Variants in PARD3B observed in about 807,000 individuals in gnomAD.
PARD3B encodes par-3 family cell polarity regulator beta.
PARD3B carries 103 observed loss-of-function variants against 130.2 expected under a neutral mutation model. That is an observed-to-expected ratio of 0.79 (90% confidence interval 0.67 to 0.93). The LOEUF is 0.93. Among genes scored for constraint, PARD3B ranks in the 40% least tolerant of loss-of-function variants. The pLI is 0.00. For synonymous variants in PARD3B, 583 were observed against 553.2 expected, an observed-to-expected ratio of 1.05 and a Z score of -0.76; for missense variants, 1,609 against 1,499.2, an observed-to-expected ratio of 1.07 and a Z score of -1.21.
At chr2:204,847,162 C>G in intron 2 of PARD3B, among the ~76,000 whole-genome samples, 1 of 140,616 alleles carries the variant, frequency 7.1e-6, no homozygotes, top group African/African-American at 3.0e-5. Flanking sequence ...TTTTCTGTAA[C>G]TTTCTTTCTT....
intron 22 of PARD3B, among the ~76,000 whole-genome samples, chr2:205,561,406 G>A (rs6741018): frequency 0.036 from 5,441 of 152,168 alleles, 335 homozygotes; most frequent in African/African-American, 0.13. Flanking sequence ...AGGTAAACAG[G>A]TGTGTGAGTG....
chr2:204,868,270 G>C (rs2045501741), intron 2 of PARD3B, among the ~76,000 whole-genome samples: 1 of 152,154 alleles, frequency 6.6e-6, no homozygotes, highest in African/African-American at 2.4e-5. Flanking sequence ...GCCAAAGATA[G>C]TGTGCTGTAC....
chr2:205,520,861 T>C (rs536281389), intron 21 of PARD3B, among the ~76,000 whole-genome samples: 3 of 152,196 alleles, frequency 2.0e-5, no homozygotes, highest in East Asian at 3.9e-4. Flanking sequence ...AGAAAGGATA[T>C]TAAGTAATTG....
chr2:205,191,054 C>A (rs1279733092), intron 14 of PARD3B, among the ~76,000 whole-genome samples: 2 of 141,568 alleles, frequency 1.4e-5, no homozygotes, highest in African/African-American at 2.7e-5. Context: ...GAGAATGTAC[C>A]CAGACACCAG....
At chr2:204,952,813 A>C (rs1689886077) in intron 2 of PARD3B, among the ~76,000 whole-genome samples, 1 of 151,964 alleles carries the variant, frequency 6.6e-6, no homozygotes, top group Admixed American at 6.6e-5. Flanking sequence ...CCTGGCTAAC[A>C]TGGTGAAACC....
chr2:205,234,777 C>T lies in PARD3B; in HGVS notation c.2141-11001C>T, dbSNP rs576437938. On this transcript the variant is annotated intron_variant, in intron 15 of 22. Coordinates refer to ENST00000406610, the MANE Select transcript of PARD3B (RefSeq NM_001302769.2). ...ACATAGAACATTTAACAGGACATAC[C>T]GCATTCTGGACTATTAAAAAGTCTT... Among the ~76,000 whole-genome samples the T allele has an allele frequency of 9.2e-4, 140 of 151,832 alleles. 1 individual carries two copies. In the Middle Eastern group the frequency reaches 0.021, roughly 22 times the overall value.
chr2:205,544,409 G>C (rs1357895694), intron 21 of PARD3B, among the ~76,000 whole-genome samples: 1 of 152,102 alleles, frequency 6.6e-6, no homozygotes, highest in East Asian at 1.9e-4. Flanking sequence ...GCCAGAGTTT[G>C]CTCTTCAAGC....
At chr2:204,787,559 A>G in intron 2 of PARD3B, among the ~76,000 whole-genome samples, 1 of 152,154 alleles carries the variant, frequency 6.6e-6, no homozygotes, top group East Asian at 1.9e-4. Context: ...AGTCGACATG[A>G]TACTAGCAAA....
rs757345734 is a variant in PARD3B, at chr2:204,666,550, C to T, written c.121-19631C>T. On this transcript the variant is annotated intron_variant, in intron 1 of 22. Transcript: ENST00000406610. ...AGCAAGAGATGATGGTTAACTTGGC[C>T]CAGAGAGTAGTTGTAAGAGTGAAGG... is the stretch of plus-strand genomic sequence containing the variant. 2.6e-5 allele frequency among the ~76,000 whole-genome samples: 4 copies of T among 151,816 alleles called. No homozygotes were observed. In the South Asian group the frequency reaches 8.3e-4, roughly 32 times the overall value.
chr2:204,580,479 A>C (rs1487931702), intron 1 of PARD3B, among the ~76,000 whole-genome samples: 1 of 152,144 alleles, frequency 6.6e-6, no homozygotes, highest in Non-Finnish European at 1.5e-5. Context: ...TTTTTCTGTC[A>C]TCTGACCCTA....
chr2:205,108,564 G>A (rs1452463140), intron 5 of PARD3B, among the ~76,000 whole-genome samples: 2 of 151,260 alleles, frequency 1.3e-5, no homozygotes, highest in Non-Finnish European at 2.9e-5. Context: ...GACTATCCTC[G>A]TTCAATATCT....
intron 2 of PARD3B, among the ~76,000 whole-genome samples, chr2:204,750,625 C>G (rs903770268): frequency 1.3e-5 from 2 of 149,332 alleles, no homozygotes; most frequent in Admixed American, 6.6e-5. Context: ...TACATACATA[C>G]ATACATACAC....
At chr2:205,399,400 G>C (rs538693117) in intron 18 of PARD3B, among the ~76,000 whole-genome samples, 1 of 152,066 alleles carries the variant, frequency 6.6e-6, no homozygotes, top group East Asian at 1.9e-4. Context: ...TGTCACCCAG[G>C]CTGGGCTGCA....
chr2:204,692,567 A>G (rs2037404112), intron 2 of PARD3B, among the ~76,000 whole-genome samples: 1 of 151,872 alleles, frequency 6.6e-6, no homozygotes, highest in South Asian at 2.1e-4. Flanking sequence ...TAAGATTTCC[A>G]TCGCAAGCTA....
At chr2:205,237,519 T>C (rs1486877221) in intron 15 of PARD3B, among the ~76,000 whole-genome samples, 1 of 152,224 alleles carries the variant, frequency 6.6e-6, no homozygotes, top group African/African-American at 2.4e-5. Flanking sequence ...CAGAAAGACA[T>C]TTATTTCCTG....
chr2:204,545,714 G>A lies in PARD3B; in HGVS notation c.-286G>A, dbSNP rs1443937073. The A allele has an allele frequency of 7.2e-6, 1 of 138,212 alleles. No individual in the cohort carries two copies. Among genetic ancestry groups the A allele is most frequent in the East Asian group, 1.3e-4 (1 of 7,504 alleles). 8.6% of individuals were successfully genotyped at this position (138,212 alleles called of 1,614,324 possible). A position where few individuals can be genotyped will look rare whatever the true frequency, so the allele number is the denominator to read the frequency against. ...CCTGGGCCGGGCAGGAGTAGGAGCGGGAGGAGGAGGAGGAGGAGCCGGTGC... is the reference window on the plus strand; with the variant it reads ...CCTGGGCCGGGCAGGAGTAGGAGCGAGAGGAGGAGGAGGAGGAGCCGGTGC... On this transcript the variant is annotated 5_prime_UTR_variant, in exon 1 of 23. Transcript: ENST00000406610.
In PARD3B at chr2:205,232,885, G is replaced by A. The variant is rs114483099; in HGVS notation, c.2141-12893G>A. Among the ~76,000 whole-genome samples, 413 of 152,270 alleles carry A rather than the reference G, an allele frequency of 2.7e-3. 2 individuals are homozygous for A. The highest frequency in any genetic ancestry group is 9.5e-3 in the African/African-American group (395 of 41,566). On this transcript the variant is annotated intron_variant, in intron 15 of 22. Transcript: ENST00000406610. The stretch of plus-strand genomic sequence containing the variant: ...GACACACAGAATTGAACAGTGAATT[G>A]TGGGGCAACTTCAGGTGGTTTCAGA...
chr2:204,804,386 A>G (rs541046706), intron 2 of PARD3B, among the ~76,000 whole-genome samples: 2 of 152,336 alleles, frequency 1.3e-5, no homozygotes, highest in South Asian at 4.1e-4. Context: ...CAAGACAAAA[A>G]CTATAAAAAG....
intron 2 of PARD3B, among the ~76,000 whole-genome samples, chr2:204,726,140 C>T (rs2039216994): frequency 6.6e-6 from 1 of 152,114 alleles, no homozygotes; most frequent in Admixed American, 6.6e-5. Context: ...CATAGCTTCG[C>T]TCAGTAAAAG....
Sources: gnomAD v4.1 joint callset for allele counts (sites outside exome capture counted in the v4.1 genomes callset) on GRCh38, gnomAD v4.1.1 for gene constraint, MANE v1.5 for transcripts, NCBI Gene and HGNC (gene_info 2026-07-23, HGNC 2026-07-21) for gene names.